CCT7: variants seen among roughly 807,000 people sequenced by gnomAD.
CCT7 encodes chaperonin containing TCP1 subunit 7.
In CCT7, 16 loss-of-function variants were observed where a neutral mutation model predicts 56.6. That is an observed-to-expected ratio of 0.28 (90% CI 0.19 to 0.43). The LOEUF (loss-of-function observed/expected upper bound fraction) is 0.43. Among genes scored for constraint, CCT7 ranks in the 20% least tolerant of loss-of-function variants. The probability of loss-of-function intolerance (pLI) is 1.00; values close to 1 mark genes in which losing one functional copy is unlikely to be tolerated. For synonymous variants in CCT7, 262 were observed against 254.8 expected (o/e 1.03, Z -0.27); for missense variants, 519 against 685.6 (o/e 0.76, Z 2.71).
Position 73,251,447 on chromosome 2 carries a change from T to G in CCT7, c.1410+15T>G. ...GGCATGCCCAGGTGGGTCCTTTCTC[T>G]CCCCAGGGTTCAGGGTTTGGGCGGG... On this transcript the variant is annotated intron_variant, in intron 11 of 11. Coordinates refer to ENST00000258091, the MANE Select transcript of CCT7 (RefSeq NM_006429.4). 17 of 501,054 alleles carry G rather than the reference T, an allele frequency of 3.4e-5. No individual in the cohort carries two copies. Among genetic ancestry groups the G allele is most frequent in the East Asian group, 1.1e-4 (2 of 18,190 alleles). The allele number at this position is 501,054 out of a possible 1,614,324, so 31.0% of individuals were successfully genotyped here.
chr2:73,243,526 A>G (rs971595136), intron 4 of CCT7, among the ~76,000 whole-genome samples: 2 of 152,208 alleles, frequency 1.3e-5, no homozygotes, highest in African/African-American at 4.8e-5. Context: ...TTTCTTTGCT[A>G]TCTCTAATTT....
intron 5 of CCT7, 147 bp from the exon 6 acceptor site, chr2:73,244,397 T>G: frequency 1.5e-6 from 1 of 675,750 alleles, no homozygotes. Context: ...CATCTGTCAC[T>G]GATAATCTGC....
In CCT7 at chr2:73,247,781, G is replaced by A. The variant is rs771535488; in HGVS notation, c.638G>A (p.Gly213Asp). 5.0e-6 allele frequency: 8 copies of A among 1,613,962 alleles called. No individual in the cohort carries two copies. The East Asian group carries it at 1.8e-4, about 36-fold the overall frequency. Residue 213 changes from glycine to aspartate, a missense_variant, in exon 7 of 12, where the codon GGT becomes GAT. This residue lies in a region of CCT7 where 276 missense variants were observed against 357.3 expected (regional missense o/e 0.77). Coordinates refer to ENST00000258091, the MANE Select transcript of CCT7 (RefSeq NM_006429.4). ...GALEDSQLVA[G>D]VAFKKTFSYA... The stretch of plus-strand genomic sequence containing the variant: ...AAACAGGATTCTCAGCTGGTAGCTG[G>A]TGTTGCATTCAAGAAGACTTTCTCT...
chr2:73,239,421 A>G, intron 1 of CCT7: 1 of 514,876 alleles, frequency 1.9e-6, no homozygotes, highest in Non-Finnish European at 3.5e-6. Context: ...TTCTCAAACC[A>G]TTTTCCTGTC....
chr2:73,244,444 G>A, intron 5 of CCT7, 100 bp from the exon 6 acceptor site: 1 of 1,054,386 alleles, frequency 9.5e-7, no homozygotes. Context: ...AGAGGGCTGA[G>A]TTTAGAGACT....
intron 1 of CCT7, chr2:73,237,454 A>G (rs1686929535): frequency 6.6e-6 from 1 of 152,250 alleles, no homozygotes; most frequent in Non-Finnish European, 1.5e-5. Context: ...CATCCGTGGC[A>G]GGGGTGGACC....
At chr2:73,246,766 T>C (rs1423925505) in intron 6 of CCT7, among the ~76,000 whole-genome samples, 1 of 152,208 alleles carries the variant, frequency 6.6e-6, no homozygotes, top group Non-Finnish European at 1.5e-5. Flanking sequence ...AGAACCCCTT[T>C]TTTCCTTTTT....
At chr2:73,251,809 G>A (rs1241853347) in intron 11 of CCT7, among the ~76,000 whole-genome samples, 1 of 152,102 alleles carries the variant, frequency 6.6e-6, no homozygotes, top group African/African-American at 2.4e-5. Flanking sequence ...CGTGGTGGTG[G>A]GCACCTGTAA....
intron 8 of CCT7, 109 bp from the exon 9 acceptor site, chr2:73,249,710 T>C: frequency 2.7e-6 from 2 of 752,740 alleles, no homozygotes; most frequent in South Asian, 2.9e-5. Flanking sequence ...GGGCGGGTAA[T>C]GTAGAGGCTC....
intron 9 of CCT7, 151 bp from the exon 10 acceptor site, chr2:73,250,155 C>G: frequency 1.0e-6 from 1 of 981,360 alleles, no homozygotes; most frequent in East Asian, 2.4e-5. Context: ...GCAGACCTTT[C>G]CAAGAAAATG....
intron 11 of CCT7, among the ~76,000 whole-genome samples, 157 bp from the exon 12 acceptor site, chr2:73,252,483 C>T (rs1331909305): frequency 6.6e-6 from 1 of 151,862 alleles, no homozygotes; most frequent in African/African-American, 2.4e-5. Flanking sequence ...TTTCCAGGTT[C>T]CTGGCATGCT....
chr2:73,235,835 A>G (rs1257185951), intron 1 of CCT7, among the ~76,000 whole-genome samples: 2 of 152,160 alleles, frequency 1.3e-5, no homozygotes, highest in African/African-American at 4.8e-5. Flanking sequence ...GGCTTCCGTA[A>G]GAGCTTTGGT....
At chr2:73,243,349 CTA>C (rs1433950705) in intron 4 of CCT7, among the ~76,000 whole-genome samples, 2 of 152,150 alleles carry the variant, frequency 1.3e-5, no homozygotes, top group Non-Finnish European at 2.9e-5. Flanking sequence ...GCCTGGTAGA[CTA>C]TGATGTAGAC....
chr2:73,247,643 A>G, intron 6 of CCT7, 119 bp from the exon 7 acceptor site: 1 of 754,942 alleles, frequency 1.3e-6, no homozygotes, highest in South Asian at 1.9e-5. Flanking sequence ...ACAGCAGTGA[A>G]ATAAAGACAT....
At chr2:73,244,205 C>G (rs543597673) in intron 5 of CCT7, 156 bp downstream of exon 5, 1 of 761,438 alleles carries the variant, frequency 1.3e-6, no homozygotes, top group Non-Finnish European at 2.1e-6. Flanking sequence ...AGGCCTTTGT[C>G]AGAACCTTGA....
At position 73,243,109 on chromosome 2, in the gene CCT7, T is replaced by G. The variant is rs747220868; in HGVS notation, c.373T>G (p.Phe125Val). 1 of 1,613,996 alleles carries G rather than the reference T, an allele frequency of 6.2e-7. No homozygotes were observed. Among genetic ancestry groups the G allele is most frequent in the Non-Finnish European group, 8.5e-7 (1 of 1,179,872 alleles). ...GLHPQIIIRA[F>V]RTATQLAVNK... is the part of the protein sequence containing the mutation. ...ACACCCCCAGATCATCATTCGAGCT[T>G]TCCGCACAGCCACCCAGCTGGTATG... Residue 125 changes from phenylalanine to valine, a missense_variant, in exon 4 of 12, where the codon TTC (phenylalanine) becomes GTC (valine). Phe to Val is a conservative substitution (Grantham distance 50). Transcript: ENST00000258091.
chr2:73,250,985 C>G (rs975221353), intron 10 of CCT7, among the ~76,000 whole-genome samples: 1 of 152,028 alleles, frequency 6.6e-6, no homozygotes, highest in Non-Finnish European at 1.5e-5. Flanking sequence ...GTCAGATATT[C>G]CAGTAATTGT....
At chr2:73,239,578 C>T in intron 1 of CCT7, 65 bp from the exon 2 acceptor site, 2 of 1,469,264 alleles carry the variant, frequency 1.4e-6, no homozygotes, top group South Asian at 2.5e-5. Context: ...GCATTTTCCC[C>T]TTTCCCCTGC....
chr2:73,238,140 C>G (rs1018688753), intron 1 of CCT7, among the ~76,000 whole-genome samples: 1 of 152,142 alleles, frequency 6.6e-6, no homozygotes, highest in Admixed American at 6.5e-5. Flanking sequence ...GCCATGTTCC[C>G]CAGGCTGGTC....
Sources: gnomAD v4.1 joint callset for allele counts (sites outside exome capture counted in the v4.1 genomes callset) on GRCh38, gnomAD v4.1.1 for gene constraint, gnomAD v4.1.1 regional missense constraint, MANE v1.5 for transcripts, NCBI Gene and HGNC (gene_info 2026-07-23, HGNC 2026-07-21) for gene names.